Variants in STAT5B observed in about 807,000 individuals in gnomAD.
STAT5B encodes the protein transcription factor STAT5B.
In STAT5B, 21 loss-of-function variants were observed where a neutral mutation model predicts 107.8. That is an observed-to-expected ratio of 0.19 (90% CI 0.14 to 0.28). STAT5B has a LOEUF of 0.28. STAT5B is among the 10% of genes least tolerant of loss of function. STAT5B has a pLI of 1.00. For missense variants in STAT5B, 565 were observed against 1,008.2 expected (o/e 0.56, Z 5.95); for synonymous variants, 325 against 401.7 (o/e 0.81, Z 2.28).
chr17:42,224,503 C>A (rs2080256878), intron 4 of STAT5B, among the ~76,000 whole-genome samples: 1 of 152,002 alleles, frequency 6.6e-6, no homozygotes, highest in African/African-American at 2.4e-5. Context: ...CCATGCCCAG[C>A]TAATTTTTTT....
intron 1 of STAT5B, among the ~76,000 whole-genome samples, chr17:42,236,453 G>A (rs1468891416): frequency 6.6e-6 from 1 of 152,154 alleles, no homozygotes; most frequent in East Asian, 1.9e-4. Flanking sequence ...TTGTTTGTTT[G>A]TTTTTTGAGA....
chr17:42,265,945 T>A (rs907346250), intron 1 of STAT5B, among the ~76,000 whole-genome samples: 15 of 152,172 alleles, frequency 9.9e-5, no homozygotes, highest in Admixed American at 7.2e-4. Context: ...TTTTTCTTAC[T>A]ACTTATATAG....
intron 1 of STAT5B, among the ~76,000 whole-genome samples, chr17:42,238,095 TATCCATCC>T (rs60439745): frequency 0.29 from 41,331 of 140,728 alleles, 5,966 homozygotes; most frequent in Middle Eastern, 0.36. Context: ...TAAACTTTTC[TATCCATCC>T]ATCCATCCAT....
At chr17:42,283,079 G>A in the STAT5B span, among the ~76,000 whole-genome samples, 2 of 152,234 alleles carry the variant, frequency 1.3e-5, no homozygotes, top group African/African-American at 2.4e-5. Flanking sequence ...GGGAGGTGTC[G>A]TGGAAGATGC....
Position 42,211,866 on chromosome 17 carries a change from T to TTAC in STAT5B, c.1680+115_1680+117dup, listed in dbSNP as rs2080132200. 8.2e-6 allele frequency: 12 copies of TTAC among 1,465,608 alleles called. No homozygotes were observed. The East Asian group carries it at 3.0e-4, about 36-fold the overall frequency. 90.8% of individuals were successfully genotyped at this position (1,465,608 alleles called of 1,614,324 possible). A position where few individuals can be genotyped will look rare whatever the true frequency, so the allele number is the denominator to read the frequency against. On this transcript the variant is annotated intron_variant, in intron 13 of 18. Coordinates refer to ENST00000293328, the MANE Select transcript of STAT5B (RefSeq NM_012448.4). ...TTGTCCATCTAGTCAGAAGCTTCTA[T>TTAC]TACTTTCGGTACATTTTATTAGAGA...
upstream of STAT5B, among the ~76,000 whole-genome samples, chr17:42,280,203 G>T (rs1367973698): frequency 6.6e-6 from 1 of 152,104 alleles, no homozygotes; most frequent in Non-Finnish European, 1.5e-5. Context: ...ATGCAGCAAT[G>T]TCCACTGGAG....
At chr17:42,204,092 G>A (rs1001354387) in intron 16 of STAT5B, among the ~76,000 whole-genome samples, 4 of 152,168 alleles carry the variant, frequency 2.6e-5, no homozygotes, top group Non-Finnish European at 4.4e-5. Context: ...GCACCTGCAC[G>A]CTCCTTCACG....
intron 12 of STAT5B, chr17:42,214,610 C>A: frequency 1.0e-6 from 1 of 985,242 alleles, no homozygotes; most frequent in Non-Finnish European, 1.2e-6. Context: ...ATTCTAACAG[C>A]CACAAAACAA....
chr17:42,272,334 G>A (rs1412034919), intron 1 of STAT5B: 3 of 152,104 alleles, frequency 2.0e-5, no homozygotes, highest in Non-Finnish European at 4.4e-5. Context: ...TATAAACCAT[G>A]GGGTTCTGTA....
intron 1 of STAT5B, among the ~76,000 whole-genome samples, chr17:42,259,906 G>A (rs1008359732): frequency 6.6e-6 from 1 of 152,190 alleles, no homozygotes; most frequent in Non-Finnish European, 1.5e-5. Context: ...AGGATGTGCA[G>A]ATTTGTTACA....
At chr17:42,252,338 T>C (rs1402675665) in intron 1 of STAT5B, among the ~76,000 whole-genome samples, 3 of 152,138 alleles carry the variant, frequency 2.0e-5, no homozygotes, top group Non-Finnish European at 2.9e-5. Context: ...AGATGGGATG[T>C]TTTCCTCCTC....
chr17:42,256,097 A>C (rs2144374756), intron 1 of STAT5B, among the ~76,000 whole-genome samples: 1 of 152,298 alleles, frequency 6.6e-6, no homozygotes, highest in Non-Finnish European at 1.5e-5. Flanking sequence ...AAAAATGGTA[A>C]ATTTTATGAT....
chr17:42,276,336 C>G lies in STAT5B; in HGVS notation c.-99G>C, dbSNP rs1258386683. 1 of 147,182 alleles carries G rather than the reference C, an allele frequency of 6.8e-6. No individual in the cohort carries two copies. Among genetic ancestry groups the G allele is most frequent in the Non-Finnish European group, 1.5e-5 (1 of 66,090 alleles). 9.1% of individuals were successfully genotyped at this position (147,182 alleles called of 1,614,324 possible). On this transcript the variant is annotated 5_prime_UTR_variant, in exon 1 of 19. Transcript: ENST00000293328. This position sits in a 1 kb window ranked among gnomAD's most constrained non-coding sequence, Gnocchi z 4.8. ...CGCTCGCTCCCTCCCTCGGCCGGGC[C>G]GCCGCGCGGAGTTGCCTGCGCTGGG...
Position 42,218,176 on chromosome 17 carries a change from G to A in STAT5B, c.1144C>T (p.Leu382=). 6.2e-7 allele frequency: 1 copy of A among 1,614,198 alleles called. No homozygotes were observed. Among genetic ancestry groups the A allele is most frequent in the Non-Finnish European group, 8.5e-7 (1 of 1,180,034 alleles). Residue 382 remains leucine, a synonymous_variant, in exon 9 of 19, where the codon CTG becomes TTG. Transcript: ENST00000293328. ...TIISEQQAKS[L]LKNENTRNDY... is the part of the protein sequence containing the mutation. ...TTGCGGGTGTTCTCGTTCTTGAGCA[G>A]AGACTTGGCCTGCTGCTCACTGATG...
intron 3 of STAT5B, among the ~76,000 whole-genome samples, chr17:42,226,652 A>T (rs973466343): frequency 6.6e-6 from 1 of 151,704 alleles, no homozygotes; most frequent in African/African-American, 2.4e-5. Context: ...TACTAAAAAT[A>T]CAAAAATTAG....
chr17:42,210,727 G>A (rs777976212), intron 13 of STAT5B: 2 of 526,028 alleles, frequency 3.8e-6, no homozygotes, highest in Non-Finnish European at 7.0e-6. Flanking sequence ...TCCTGCTACA[G>A]ACACTTTCAC....
intron 5 of STAT5B, among the ~76,000 whole-genome samples, chr17:42,220,488 G>A (rs1425398775): frequency 2.0e-5 from 3 of 152,126 alleles, no homozygotes; most frequent in Admixed American, 6.5e-5. Flanking sequence ...CAGCCCCGGC[G>A]GCTCTGTCTA....
upstream of STAT5B, chr17:42,276,688 A>C (rs918203995): frequency 1.3e-5 from 2 of 151,662 alleles, no homozygotes; most frequent in Non-Finnish European, 2.9e-5. This position sits in a 1 kb window ranked among gnomAD's most constrained non-coding sequence, Gnocchi z 4.8. Flanking sequence ...GCCGCACCGC[A>C]AGCACATGCT....
chr17:42,267,735 G>A (rs373026527), intron 1 of STAT5B, among the ~76,000 whole-genome samples: 2 of 152,076 alleles, frequency 1.3e-5, no homozygotes, highest in South Asian at 4.1e-4. Context: ...AAAGTGGGTG[G>A]ATCACCTGAG....
Sources: gnomAD v4.1 joint callset for allele counts (sites outside exome capture counted in the v4.1 genomes callset) on GRCh38, gnomAD v4.1.1 for gene constraint, Gnocchi (gnomAD v3.1) non-coding constraint, MANE v1.5 for transcripts, NCBI Gene and HGNC (gene_info 2026-07-23, HGNC 2026-07-21) for gene names.